RBM47: variants seen among roughly 807,000 people sequenced by gnomAD.
RBM47 encodes the protein RNA binding motif protein 47.
Under a neutral mutation model 47.1 loss-of-function variants are expected in RBM47, and 21 were observed. The ratio of observed to expected loss-of-function variants is 0.45; its 90% CI spans 0.32 to 0.64. The LOEUF (loss-of-function observed/expected upper bound fraction) is 0.64. Ranked by LOEUF, RBM47 falls within the 30% of genes least tolerant of loss-of-function variation. The probability of loss-of-function intolerance (pLI) is 0.05; values close to 1 mark genes in which losing one functional copy is unlikely to be tolerated. For synonymous variants in RBM47, 375 were observed against 361.7 expected (o/e 1.04, Z -0.42); for missense variants, 708 against 870.9 (o/e 0.81, Z 2.35).
At chr4:40,582,099 T>C (rs796683532) in intron 1 of RBM47, among the ~76,000 whole-genome samples, 39 of 152,236 alleles carry the variant, frequency 2.6e-4, no homozygotes, top group African/African-American at 9.4e-4. Flanking sequence ...AGAACCCATC[T>C]CGAATCTTCA....
At chr4:40,538,685 G>A (rs1728214581) in intron 2 of RBM47, among the ~76,000 whole-genome samples, 2 of 151,954 alleles carry the variant, frequency 1.3e-5, no homozygotes, top group African/African-American at 4.8e-5. Flanking sequence ...TGTCCAGGCT[G>A]GAGTGGAGTG....
chr4:40,518,935 C>T (rs529822520), intron 2 of RBM47, among the ~76,000 whole-genome samples: 3 of 152,184 alleles, frequency 2.0e-5, no homozygotes, highest in South Asian at 4.2e-4. Context: ...TGGCTCACAC[C>T]GGTAGTCCCA....
At chr4:40,502,105 A>C (rs999199705) in intron 2 of RBM47, 1 of 154,302 alleles carries the variant, frequency 6.5e-6, no homozygotes, top group African/African-American at 2.4e-5. Flanking sequence ...TAGAACCTCC[A>C]TACAAGCCAG....
chr4:40,469,073 C>G (rs1429922896), intron 2 of RBM47, among the ~76,000 whole-genome samples: 5 of 152,206 alleles, frequency 3.3e-5, no homozygotes, highest in Middle Eastern at 3.2e-3. Context: ...CCTGGCAGGA[C>G]TGTTGTGGAG....
chr4:40,580,808 A>G (rs959084272), intron 1 of RBM47, among the ~76,000 whole-genome samples: 1 of 152,258 alleles, frequency 6.6e-6, no homozygotes, highest in Non-Finnish European at 1.5e-5. Context: ...AGGTAAATAA[A>G]GCAGAGGAAT....
At chr4:40,487,555 T>C (rs943709530) in intron 2 of RBM47, among the ~76,000 whole-genome samples, 1 of 152,132 alleles carries the variant, frequency 6.6e-6, no homozygotes, top group Non-Finnish European at 1.5e-5. Flanking sequence ...CCTCCCAAAT[T>C]GTTGGGATAA....
chr4:40,561,951 T>C (rs1260182809), intron 1 of RBM47, among the ~76,000 whole-genome samples: 2 of 152,122 alleles, frequency 1.3e-5, no homozygotes, highest in South Asian at 2.1e-4. Context: ...TCATTAGAGG[T>C]CCACAATGCA....
intron 1 of RBM47, among the ~76,000 whole-genome samples, chr4:40,567,457 T>C (rs1340025629): frequency 6.6e-6 from 1 of 152,064 alleles, no homozygotes; most frequent in Non-Finnish European, 1.5e-5. Flanking sequence ...TTTGAAAAGT[T>C]AAGTATCTAG....
At position 40,438,743 on chromosome 4, in the gene RBM47, C is replaced by G. The variant is rs777636369; in HGVS notation, c.151G>C (p.Gly51Arg). 1.4e-5 allele frequency: 22 copies of G among 1,598,584 alleles called. No homozygotes were observed. The Admixed American group carries it at 1.5e-4, about 11-fold the overall frequency. The change falls in exon 4 of 7, where the codon GGG becomes CGG. Residue 51 changes from glycine (G) to arginine (R), a missense_variant. Gly to Arg is a moderately radical substitution (Grantham distance 125). Transcript: ENST00000295971. ...GGTGGGCCGCCGTACTTGCGCTGCC[C>G]GTTCTCTTGCACCATGCTGTAGCCC... Reference protein sequence around the residue: ...RTGYSMVQENGQRKYGGPPPG... With the variant: ...RTGYSMVQENRQRKYGGPPPG...
intron 1 of RBM47, among the ~76,000 whole-genome samples, chr4:40,578,691 G>A (rs772133250): frequency 5.9e-5 from 9 of 152,110 alleles, no homozygotes; most frequent in South Asian, 2.1e-4. Context: ...TGTTACCTAG[G>A]ACAAGAGATA....
intron 2 of RBM47, among the ~76,000 whole-genome samples, chr4:40,492,779 G>C (rs985965250): frequency 6.7e-6 from 1 of 149,110 alleles, no homozygotes; most frequent in African/African-American, 2.4e-5. Flanking sequence ...CATGACCTGT[G>C]TGTGTGTGTG....
At chr4:40,516,262 T>TTTC (rs71850622) in intron 2 of RBM47, among the ~76,000 whole-genome samples, 14 of 79,082 alleles carry the variant, frequency 1.8e-4, no homozygotes, top group African/African-American at 2.5e-4. Context: ...CTTTTCTTTC[T>TTTC]TTTTTTTTTT....
intron 2 of RBM47, among the ~76,000 whole-genome samples, chr4:40,496,345 C>T (rs905331764): frequency 1.8e-4 from 27 of 151,968 alleles, no homozygotes; most frequent in South Asian, 1.0e-3. Flanking sequence ...CACACACACA[C>T]ACACACACAC....
intron 3 of RBM47, among the ~76,000 whole-genome samples, chr4:40,462,955 A>G (rs1204919068): frequency 1.3e-5 from 2 of 152,254 alleles, no homozygotes; most frequent in Non-Finnish European, 2.9e-5. Context: ...AAGTAAACTT[A>G]ATCGAAATTA....
intron 1 of RBM47, among the ~76,000 whole-genome samples, chr4:40,561,853 G>A (rs530818049): frequency 2.6e-5 from 4 of 151,932 alleles, no homozygotes; most frequent in East Asian, 1.9e-4. Context: ...CCTGGCCTCC[G>A]TTGTCTTAAT....
intron 1 of RBM47, among the ~76,000 whole-genome samples, 170 bp from the exon 2 acceptor site, chr4:40,544,676 C>T (rs1244108316): frequency 6.6e-6 from 1 of 152,104 alleles, no homozygotes; most frequent in Admixed American, 6.6e-5. Context: ...GCTACATAAC[C>T]AGGCAATATA....
intron 2 of RBM47, among the ~76,000 whole-genome samples, chr4:40,541,042 A>G (rs1192823933): frequency 6.6e-6 from 1 of 152,056 alleles, no homozygotes; most frequent in Non-Finnish European, 1.5e-5. Context: ...CAATCCCAGC[A>G]CTACGGGAGG....
chr4:40,426,050 C>G lies in RBM47; in HGVS notation c.1636G>C (p.Ala546Pro), dbSNP rs1714984083. Residue 546 changes from alanine (A) to proline (P), a missense_variant, in exon 7 of 7, where the codon GCT becomes CCT. Coordinates refer to ENST00000295971, the MANE Select transcript of RBM47 (RefSeq NM_001098634.2). The stretch of plus-strand genomic sequence containing the variant: ...GTGGCGATCGTGGCTGTAGCTGGAG[C>G]AGCAAATGGCACGTAACTGGCCCCG... ...IYGASYVPFA[A>P]PATATIATLQ... 1.2e-6 allele frequency: 2 copies of G among 1,614,108 alleles called. No homozygotes were observed. The highest frequency in any genetic ancestry group is 2.7e-5 in the African/African-American group (2 of 74,930).
chr4:40,435,043 T>G (rs1712111242), intron 5 of RBM47, among the ~76,000 whole-genome samples: 2 of 152,100 alleles, frequency 1.3e-5, no homozygotes, highest in Admixed American at 6.5e-5. Flanking sequence ...GGAGTTAATG[T>G]TTTTTGCAGG....
Sources: gnomAD v4.1 joint callset for allele counts (sites outside exome capture counted in the v4.1 genomes callset) on GRCh38, gnomAD v4.1.1 for gene constraint, MANE v1.5 for transcripts, NCBI Gene and HGNC (gene_info 2026-07-23, HGNC 2026-07-21) for gene names.